The following RPTOR variants were observed in gnomAD, a reference collection of about 807,000 sequenced individuals.
The protein encoded by RPTOR is regulatory-associated protein of mTOR.
RPTOR carries 21 observed loss-of-function variants against 169.9 expected under a neutral mutation model. That is an observed-to-expected ratio of 0.12 (90% CI 0.09 to 0.18). The LOEUF is 0.18. RPTOR is among the 10% of genes least tolerant of loss of function. The pLI, the probability that RPTOR is intolerant of heterozygous loss-of-function variation, is 1.00. For synonymous variants in RPTOR, 732 were observed against 753.2 expected (o/e 0.97, Z 0.46); for missense variants, 1,133 against 1,855.9 (o/e 0.61, Z 7.16).
At chr17:80,909,398 G>GTC (rs1004244647) in intron 21 of RPTOR, among the ~76,000 whole-genome samples, 6 of 151,556 alleles carry the variant, frequency 4.0e-5, no homozygotes, top group African/African-American at 1.5e-4. Flanking sequence ...TTGTAAGACA[G>GTC]TCTCACTCTG....
chr17:80,575,452 TCAG>T (rs1430218039), intron 1 of RPTOR, among the ~76,000 whole-genome samples: 2 of 152,266 alleles, frequency 1.3e-5, no homozygotes, highest in Non-Finnish European at 2.9e-5. Context: ...TAGACGTCTG[TCAG>T]CAGGGCAGTA....
chr17:80,583,216 T>G (rs2065032231), intron 1 of RPTOR, among the ~76,000 whole-genome samples: 1 of 123,180 alleles, frequency 8.1e-6, no homozygotes, highest in African/African-American at 3.5e-5. Flanking sequence ...TGAGACAGAG[T>G]CTTGCTCTGT....
chr17:80,709,458 T>C (rs978336869), intron 4 of RPTOR, among the ~76,000 whole-genome samples: 4 of 152,168 alleles, frequency 2.6e-5, no homozygotes, highest in African/African-American at 7.2e-5. Flanking sequence ...GCTGATACGC[T>C]GGGCGGACGC....
At chr17:80,561,523 C>T (rs1272656933) in intron 1 of RPTOR, among the ~76,000 whole-genome samples, 3 of 151,978 alleles carry the variant, frequency 2.0e-5, no homozygotes, top group African/African-American at 4.8e-5. Flanking sequence ...CTCGACCTCC[C>T]TGGTCTCAGG....
At chr17:80,756,647 T>G (rs1305188901) in intron 6 of RPTOR, among the ~76,000 whole-genome samples, 5 of 152,172 alleles carry the variant, frequency 3.3e-5, no homozygotes, top group Non-Finnish European at 7.3e-5. Flanking sequence ...GCGCTCATAG[T>G]ACCCAGTTTA....
intron 7 of RPTOR, among the ~76,000 whole-genome samples, chr17:80,806,644 A>G (rs1015303182): frequency 3.9e-5 from 6 of 152,204 alleles, no homozygotes; most frequent in Non-Finnish European, 5.9e-5. Flanking sequence ...TACTTTAGTT[A>G]CCATCAGTGT....
At chr17:80,590,395 G>A (rs930569329) in intron 1 of RPTOR, among the ~76,000 whole-genome samples, 2 of 150,882 alleles carry the variant, frequency 1.3e-5, no homozygotes, top group Admixed American at 1.3e-4. Flanking sequence ...GCATGGTGAA[G>A]TAGGCATGCA....
At position 80,726,329 on chromosome 17, in the gene RPTOR, G is replaced by C. The variant is rs1180279475; in HGVS notation, c.508-4231G>C. Among the ~76,000 whole-genome samples, 1 of 152,190 alleles carries C rather than the reference G, an allele frequency of 6.6e-6. No homozygotes were observed. Among genetic ancestry groups the C allele is most frequent in the Non-Finnish European group, 1.5e-5 (1 of 68,024 alleles). On this transcript the variant is annotated intron_variant, in intron 4 of 33. Transcript: ENST00000306801. This position sits in a 1 kb window ranked among gnomAD's most constrained non-coding sequence, Gnocchi z 4.5. ...GGTGGAGATGGTCCAGCCCCAGCAG[G>C]ACTGGGCCACGAGGACCCTGCCGGT... is the stretch of plus-strand genomic sequence containing the variant.
intron 2 of RPTOR, among the ~76,000 whole-genome samples, chr17:80,641,905 G>A (rs1368779590): frequency 2.0e-5 from 3 of 152,060 alleles, no homozygotes; most frequent in Admixed American, 6.6e-5. Context: ...TTGCTTTCAC[G>A]CAGCATTTCT....
intron 13 of RPTOR, among the ~76,000 whole-genome samples, chr17:80,869,008 CGGTAGCTTCACA>C (rs1241211873): frequency 6.6e-6 from 1 of 152,096 alleles, no homozygotes; most frequent in Non-Finnish European, 1.5e-5. Flanking sequence ...TAGACTGTGG[CGGTAGCTTCACA>C]GGTGTAGACG....
chr17:80,842,527 A>G (rs750425134), intron 10 of RPTOR, among the ~76,000 whole-genome samples: 4 of 152,170 alleles, frequency 2.6e-5, no homozygotes, highest in African/African-American at 4.8e-5. Flanking sequence ...TGGCTGAGTC[A>G]GTTTACACTC....
chr17:80,709,156 T>A, intron 4 of RPTOR: 1 of 875,188 alleles, frequency 1.1e-6, no homozygotes, highest in Non-Finnish European at 1.4e-6. Flanking sequence ...GGCAGTGCCA[T>A]CTCTCCCCGT....
At chr17:80,739,615 TGTGTTC>T (rs1463518867) in intron 5 of RPTOR, among the ~76,000 whole-genome samples, 2 of 152,156 alleles carry the variant, frequency 1.3e-5, no homozygotes, top group African/African-American at 4.8e-5. Flanking sequence ...CAGCACAGCG[TGTGTTC>T]TTTAACCACA....
In RPTOR at chr17:80,884,028, A is replaced by G. The variant is rs562231768; in HGVS notation, c.1842+56A>G. 6.4e-6 allele frequency: 10 copies of G among 1,562,164 alleles called. No homozygotes were observed. The African/African-American group carries it at 1.2e-4, about 19-fold the overall frequency. ...CTCCTGGCTGCCGACTGCGGGGGTA[A>G]GGCAGAGGTCTGCTCGCGTGCGGGT... On this transcript the variant is annotated intron_variant, in intron 16 of 33. Transcript: ENST00000306801.
At chr17:80,935,520 C>T (rs2068944840) in intron 24 of RPTOR, among the ~76,000 whole-genome samples, 1 of 152,110 alleles carries the variant, frequency 6.6e-6, no homozygotes, top group Admixed American at 6.5e-5. Context: ...ATCAATGGAA[C>T]AGAATAGAGA....
chr17:80,884,777 A>G (rs2068225353), intron 16 of RPTOR, among the ~76,000 whole-genome samples: 1 of 152,086 alleles, frequency 6.6e-6, no homozygotes, highest in Admixed American at 6.5e-5. Context: ...GGGGCAATGC[A>G]GCTCCCGCCT....
At chr17:80,833,155 T>G (rs2067525618) in intron 9 of RPTOR, among the ~76,000 whole-genome samples, 1 of 152,230 alleles carries the variant, frequency 6.6e-6, no homozygotes, top group African/African-American at 2.4e-5. Context: ...CTGTGCGGAC[T>G]TGGACTTGGA....
At chr17:80,696,955 G>A (rs1054179351) in intron 3 of RPTOR, among the ~76,000 whole-genome samples, 1 of 152,232 alleles carries the variant, frequency 6.6e-6, no homozygotes. Flanking sequence ...TGGCATGTTA[G>A]CAGCTCCGTC....
At chr17:80,700,680 AGGTGGT>A (rs2066085535) in intron 3 of RPTOR, among the ~76,000 whole-genome samples, 6 of 10,724 alleles carry the variant, frequency 5.6e-4, no homozygotes, top group Non-Finnish European at 9.1e-4. Context: ...GTGATGATGG[AGGTGGT>A]GGTGATGGTG....
Sources: allele counts gnomAD v4.1 joint callset (sites outside exome capture counted in the v4.1 genomes callset), GRCh38; gene constraint gnomAD v4.1.1; non-coding constraint Gnocchi (gnomAD v3.1); transcripts MANE v1.5; gene names NCBI Gene and HGNC (gene_info 2026-07-23, HGNC 2026-07-21).